Variants in EIF2AK1 observed in about 807,000 individuals in gnomAD.
The protein encoded by EIF2AK1 is eukaryotic translation initiation factor 2-alpha kinase 1.
In EIF2AK1, 54 loss-of-function variants were observed where a neutral mutation model predicts 77.9. That is an observed-to-expected ratio of 0.69 (90% CI 0.56 to 0.87). The LOEUF is 0.87. EIF2AK1 is among the 40% of genes least tolerant of loss of function. The probability of loss-of-function intolerance (pLI) is 0.00; values close to 1 mark genes in which losing one functional copy is unlikely to be tolerated. For missense variants in EIF2AK1, 810 were observed against 768.6 expected, an observed-to-expected ratio of 1.05 and a Z score of -0.64; for synonymous variants, 314 against 290.5, an observed-to-expected ratio of 1.08 and a Z score of -0.82.
intron 1 of EIF2AK1, among the ~76,000 whole-genome samples, chr7:6,055,531 G>A (rs1003734062): frequency 2.0e-5 from 3 of 151,956 alleles, no homozygotes; most frequent in African/African-American, 7.3e-5. Context: ...AGAGGCTGAG[G>A]AACCAGTGAA....
chr7:6,025,099 A>T (rs967779639), intron 14 of EIF2AK1, among the ~76,000 whole-genome samples: 1 of 152,172 alleles, frequency 6.6e-6, no homozygotes, highest in African/African-American at 2.4e-5. Flanking sequence ...TCGACCTCCC[A>T]AAGTGCTGGA....
rs774276826 is a variant in EIF2AK1, at chr7:6,035,595, G to A, written c.1332+1829C>T. 30 of 1,551,026 alleles carry A rather than the reference G, an allele frequency of 1.9e-5. No individual in the cohort carries two copies. The highest frequency in any genetic ancestry group is 3.6e-5 in the South Asian group (3 of 84,046). On this transcript the variant is annotated intron_variant, in intron 11 of 14. Transcript: ENST00000199389. The surrounding 1 kb of genome is among the most constrained non-coding windows in gnomAD (Gnocchi z 5.5). ...ATGTCTCCGCATCTTGTGTGCGCAC[G>A]GAGCTCAAGTGAACACTCAAGGGGA...
Position 6,032,613 on chromosome 7 carries a change from A to G in EIF2AK1, c.1333-3581T>C, listed in dbSNP as rs965755261. ...TTTTGAGTGTTATTTCTGTTGCCTC[A>G]GTAAATGTGCATTTCTGTGAAACAC... On this transcript the variant is annotated intron_variant, in intron 11 of 14. Coordinates refer to ENST00000199389, the MANE Select transcript of EIF2AK1 (RefSeq NM_014413.4). This position sits in a 1 kb window ranked among gnomAD's most constrained non-coding sequence, Gnocchi z 4.3. Among the ~76,000 whole-genome samples the G allele has an allele frequency of 6.6e-6, 1 of 152,244 alleles. No homozygotes were observed. The highest frequency in any genetic ancestry group is 2.4e-5 in the African/African-American group (1 of 41,472).
In EIF2AK1 at chr7:6,023,002, C is replaced by T; in HGVS notation, c.*1671G>A. ...CAGCTCCTGGGTTTCCAGCCCTCAG[C>T]CCCCAAAACCTTAGGCAGCAGGGAT... On this transcript the variant is annotated 3_prime_UTR_variant, in exon 15 of 15. Coordinates refer to ENST00000199389, the MANE Select transcript of EIF2AK1 (RefSeq NM_014413.4). The T allele has an allele frequency of 3.4e-6, 1 of 293,252 alleles. No individual in the cohort carries two copies. The highest frequency in any genetic ancestry group is 7.6e-5 in the South Asian group (1 of 13,100). 18.2% of individuals were successfully genotyped at this position (293,252 alleles called of 1,614,324 possible). A position where few individuals can be genotyped will look rare whatever the true frequency, so the allele number is the denominator to read the frequency against.
At chr7:6,054,393 G>A (rs1324328575) in intron 2 of EIF2AK1, among the ~76,000 whole-genome samples, 153 bp downstream of exon 2, 1 of 151,960 alleles carries the variant, frequency 6.6e-6, no homozygotes, top group African/African-American at 2.4e-5. Context: ...GAGTAAAGAG[G>A]GGGTTTCGTC....
chr7:6,041,838 C>CT (rs1554320812), intron 8 of EIF2AK1, among the ~76,000 whole-genome samples: 6 of 75,114 alleles, frequency 8.0e-5, no homozygotes, highest in Non-Finnish European at 1.6e-4. Context: ...GAGACTCCAT[C>CT]TAAAAAAAAA....
intron 7 of EIF2AK1, among the ~76,000 whole-genome samples, 199 bp from the exon 8 acceptor site, chr7:6,043,192 G>A (rs908898549): frequency 1.3e-5 from 2 of 152,136 alleles, no homozygotes; most frequent in African/African-American, 2.4e-5. Flanking sequence ...ACTATACGAG[G>A]GGTCAGCAAA....
chr7:6,038,589 C>T lies in EIF2AK1; in HGVS notation c.1202G>A (p.Arg401Gln), dbSNP rs777179285. The T allele has an allele frequency of 1.9e-5, 31 of 1,612,904 alleles. No homozygotes were observed. The highest frequency in any genetic ancestry group is 6.7e-5 in the East Asian group (3 of 44,776). ...LWDWIVERNKRGREYVDESAC... is the reference protein window; with the variant it reads ...LWDWIVERNKQGREYVDESAC... The stretch of plus-strand genomic sequence containing the variant: ...AGACTCGTCCACATACTCCCGGCCC[C>T]GCTTGTTTCTCTCGACTATCCAATC... Residue 401 changes from arginine (R) to glutamine (Q), a missense_variant, in exon 10 of 15, where the codon CGG (arginine) becomes CAG (glutamine). This residue lies in a region of EIF2AK1 where 549 missense variants were observed against 533.7 expected (regional missense o/e 1.03). Coordinates refer to ENST00000199389, the MANE Select transcript of EIF2AK1 (RefSeq NM_014413.4).
In EIF2AK1 at chr7:6,044,554, C is replaced by T. The variant is rs375007917; in HGVS notation, c.730+8G>A. The T allele has an allele frequency of 2.0e-5, 32 of 1,609,956 alleles. No individual in the cohort carries two copies. The highest frequency in any genetic ancestry group is 1.6e-4 in the Middle Eastern group (1 of 6,072). ...GCTTCAACTACCATACCATCAAAAA[C>T]GGCTTACCTCGTGGCTGAATCACAT... On this transcript the variant is annotated splice_region_variant and intron_variant, in intron 7 of 14. Transcript: ENST00000199389.
Position 6,041,053 on chromosome 7 carries a change from C to T in EIF2AK1, c.958G>A (p.Glu320Lys). Residue 320 changes from glutamate (E) to lysine (K), a missense_variant, in exon 9 of 15, where the codon GAG (glutamate) becomes AAG (lysine). Transcript: ENST00000199389. ...NLVIRESGEL[E>K]STLELQENGL... ...TTTTCCTGGAGCTCCAGGGTCGACT[C>T]AAGTTCACCAGATTCTCTTATGACT... The T allele has an allele frequency of 6.2e-7, 1 of 1,614,144 alleles. No homozygotes were observed. Among genetic ancestry groups the T allele is most frequent in the Non-Finnish European group, 8.5e-7 (1 of 1,180,028 alleles).
At chr7:6,044,035 G>A (rs1296039865) in intron 7 of EIF2AK1, among the ~76,000 whole-genome samples, 1 of 149,738 alleles carries the variant, frequency 6.7e-6, no homozygotes, top group Admixed American at 6.7e-5. Context: ...GGAGGCAGAG[G>A]TTGCAGTGAG....
rs1236532294 is a variant in EIF2AK1, at chr7:6,023,687, A to T, written c.*986T>A. ...TTTAACACGGCCCTCAAGCTCCTTA[A>T]GTGAATTGCCGTAACTGATTTTAAA... On this transcript the variant is annotated 3_prime_UTR_variant, in exon 15 of 15. Coordinates refer to ENST00000199389, the MANE Select transcript of EIF2AK1 (RefSeq NM_014413.4). The T allele has an allele frequency of 6.2e-7, 1 of 1,613,978 alleles. No individual in the cohort carries two copies. The highest frequency in any genetic ancestry group is 8.5e-7 in the Non-Finnish European group (1 of 1,179,980).
intron 14 of EIF2AK1, among the ~76,000 whole-genome samples, chr7:6,026,244 G>T (rs1787742150): frequency 6.6e-6 from 1 of 152,180 alleles, no homozygotes; most frequent in Admixed American, 6.5e-5. Flanking sequence ...ACCACTTCCG[G>T]GGTCACCAGC....
chr7:6,035,450 G>A lies in EIF2AK1; in HGVS notation c.1332+1974C>T, dbSNP rs948767462. ...TAATCAATACCCATTCTAGGGACAC[G>A]ACAGGCCTCACCACACTCAACTTAA... On this transcript the variant is annotated intron_variant, in intron 11 of 14. Coordinates refer to ENST00000199389, the MANE Select transcript of EIF2AK1 (RefSeq NM_014413.4). The surrounding 1 kb of genome is among the most constrained non-coding windows in gnomAD (Gnocchi z 5.5). The A allele has an allele frequency of 9.7e-6, 15 of 1,549,858 alleles. No homozygotes were observed. In the African/African-American group the frequency reaches 1.1e-4, roughly 11 times the overall value.
At position 6,028,953 on chromosome 7, in the gene EIF2AK1, T is replaced by C. The variant is rs943761671; in HGVS notation, c.1412A>G (p.Gln471Arg). 1.9e-6 allele frequency: 3 copies of C among 1,610,516 alleles called. No homozygotes were observed. In the African/African-American group the frequency reaches 4.0e-5, roughly 22 times the overall value. The stretch of plus-strand genomic sequence containing the variant: ...TCTGTTGGTCCAGTCTGTGTTCTTC[T>C]GTAGGATGTCTGTGCAGGCCAGACC... Reference protein sequence around the residue: ...DFGLACTDILQKNTDWTNRNG... With the variant: ...DFGLACTDILRKNTDWTNRNG... The change falls in exon 12 of 15, where the codon CAG (glutamine) becomes CGG (arginine). Residue 471 changes from glutamine (Q) to arginine (R), a missense_variant. Gln to Arg is a conservative substitution (Grantham distance 43, BLOSUM62 1). This residue lies in a region of EIF2AK1 where 549 missense variants were observed against 533.7 expected (regional missense o/e 1.03). Transcript: ENST00000199389.
chr7:6,031,317 G>A, intron 11 of EIF2AK1: 3 of 1,450,862 alleles, frequency 2.1e-6, no homozygotes, highest in Non-Finnish European at 2.8e-6. Context: ...TCATCACAAA[G>A]AGACTGAAAC....
intron 11 of EIF2AK1, chr7:6,031,411 G>T: frequency 6.4e-7 from 1 of 1,550,776 alleles, no homozygotes; most frequent in Non-Finnish European, 8.7e-7. Flanking sequence ...GCAGAGACCT[G>T]GTGGTTGACA....
chr7:6,058,924 A>G (rs746777832), intron 1 of EIF2AK1, 42 bp downstream of exon 1: 1 of 1,469,274 alleles, frequency 6.8e-7, no homozygotes. Flanking sequence ...ACGCAGGTGG[A>G]CAGAGAGAGC....
At chr7:6,058,246 C>CAAAA in intron 1 of EIF2AK1, 2 of 339,006 alleles carry the variant, frequency 5.9e-6, no homozygotes, top group Non-Finnish European at 1.2e-5. Flanking sequence ...CACATCTCTG[C>CAAAA]AAAAAAAAAA....
Sources: gnomAD v4.1 joint callset for allele counts (sites outside exome capture counted in the v4.1 genomes callset) on GRCh38, gnomAD v4.1.1 for gene constraint, gnomAD v4.1.1 regional missense constraint, Gnocchi (gnomAD v3.1) non-coding constraint, MANE v1.5 for transcripts, NCBI Gene and HGNC (gene_info 2026-07-23, HGNC 2026-07-21) for gene names.